ITIH2: variants seen among roughly 807,000 people sequenced by gnomAD.
ITIH2 encodes inter-alpha-trypsin inhibitor heavy chain H2.
A neutral mutation model predicts 104.4 loss-of-function variants in ITIH2; 103 were observed. That is an observed-to-expected ratio of 0.99 (90% CI 0.84 to 1.16). The LOEUF is 1.16. Among genes scored for constraint, ITIH2 ranks in the 50% most tolerant of loss-of-function variants. The probability of loss-of-function intolerance (pLI) is 0.00; values close to 1 mark genes in which losing one functional copy is unlikely to be tolerated. For synonymous variants in ITIH2, 436 were observed against 435.4 expected (o/e 1.00, Z -0.02); for missense variants, 1,108 against 1,162.4 (o/e 0.95, Z 0.68).
chr10:7,746,374 C>T (rs1330007437), intron 19 of ITIH2, among the ~76,000 whole-genome samples: 1 of 151,502 alleles, frequency 6.6e-6, no homozygotes, highest in African/African-American at 2.4e-5. Context: ...GATCCTGCCT[C>T]AAATTAAAAA....
chr10:7,736,032 C>T (rs1331754330), intron 15 of ITIH2, among the ~76,000 whole-genome samples: 1 of 152,098 alleles, frequency 6.6e-6, no homozygotes. Context: ...CTCACTATCA[C>T]TCATTTTTAA....
chr10:7,720,203 G>A (rs2130946602), intron 6 of ITIH2, among the ~76,000 whole-genome samples: 1 of 152,306 alleles, frequency 6.6e-6, no homozygotes, highest in African/African-American at 2.4e-5. Context: ...CATTACTTGG[G>A]TGGTAGTTGC....
intron 2 of ITIH2, 83 bp from the exon 3 acceptor site, chr10:7,707,118 T>C: frequency 1.1e-6 from 1 of 931,468 alleles, no homozygotes; most frequent in South Asian, 1.6e-5. Context: ...TAAAATTTCT[T>C]TTTTGACTGA....
intron 4 of ITIH2, among the ~76,000 whole-genome samples, chr10:7,709,484 G>A (rs1167155133): frequency 3.9e-5 from 6 of 151,918 alleles, no homozygotes; most frequent in African/African-American, 1.5e-4. Context: ...AAATATACTG[G>A]GTTGCCCTGG....
At position 7,725,245 on chromosome 10, in the gene ITIH2, A is replaced by G. The variant is rs567166438; in HGVS notation, c.984+1678A>G. On this transcript the variant is annotated intron_variant, in intron 9 of 20. Coordinates refer to ENST00000358415, the MANE Select transcript of ITIH2 (RefSeq NM_002216.3). ...GCAATTGCAGGGGTATGCAATTTTAAATAGGCTTGTCATCTAAATAGGTGG... is the reference window on the plus strand; with the variant it reads ...GCAATTGCAGGGGTATGCAATTTTAGATAGGCTTGTCATCTAAATAGGTGG... Among the ~76,000 whole-genome samples the G allele has an allele frequency of 2.3e-4, 35 of 152,344 alleles. No homozygotes were observed. The South Asian group carries it at 6.6e-3, about 29-fold the overall frequency.
intron 5 of ITIH2, among the ~76,000 whole-genome samples, chr10:7,716,046 A>G (rs1248806902): frequency 1.3e-5 from 2 of 151,642 alleles, no homozygotes; most frequent in African/African-American, 4.9e-5. Flanking sequence ...TATTTTTAGG[A>G]GAGACAGGGC....
intron 1 of ITIH2, 92 bp downstream of exon 1, chr10:7,703,610 G>A: frequency 1.3e-6 from 1 of 768,384 alleles, no homozygotes; most frequent in East Asian, 2.5e-5. Flanking sequence ...CTTATTCTGT[G>A]TGTAATGGAA....
At chr10:7,739,108 G>A (rs1185763096) in intron 16 of ITIH2, among the ~76,000 whole-genome samples, 1 of 152,028 alleles carries the variant, frequency 6.6e-6, no homozygotes, top group African/African-American at 2.4e-5. Context: ...TTTGCCCTCC[G>A]TTGTCAATTT....
chr10:7,728,848 T>C (rs993435384), intron 11 of ITIH2, among the ~76,000 whole-genome samples: 6 of 152,142 alleles, frequency 3.9e-5, no homozygotes, highest in African/African-American at 1.4e-4. Context: ...GCAAAAACAA[T>C]GGCAGTCAGA....
intron 6 of ITIH2, among the ~76,000 whole-genome samples, chr10:7,718,414 G>A (rs369879845): frequency 7.2e-5 from 11 of 152,052 alleles, no homozygotes; most frequent in African/African-American, 2.2e-4. Flanking sequence ...GCATCTTTAG[G>A]GGGGGAGGCC....
chr10:7,731,383 G>A (rs375003037), intron 12 of ITIH2, among the ~76,000 whole-genome samples: 2 of 152,078 alleles, frequency 1.3e-5, no homozygotes, highest in African/African-American at 4.8e-5. Context: ...TGTCCCAAAC[G>A]TCCTGTGTGA....
intron 9 of ITIH2, among the ~76,000 whole-genome samples, chr10:7,726,295 A>G (rs1412410644): frequency 6.6e-6 from 1 of 152,236 alleles, no homozygotes; most frequent in African/African-American, 2.4e-5. Context: ...GAAATGTACC[A>G]ATAGAATAGG....
At chr10:7,704,985 G>T in intron 1 of ITIH2, 123 bp from the exon 2 acceptor site, 1 of 607,764 alleles carries the variant, frequency 1.6e-6, no homozygotes, top group Non-Finnish European at 2.8e-6. Flanking sequence ...ATGAGTTAAT[G>T]GGTGTAGCAA....
At chr10:7,743,445 GAGTATGAAC>G (rs1247360743) in intron 17 of ITIH2, among the ~76,000 whole-genome samples, 186 bp downstream of exon 17, 5 of 152,110 alleles carry the variant, frequency 3.3e-5, no homozygotes, top group Admixed American at 1.3e-4. Flanking sequence ...TATATACTCT[GAGTATGAAC>G]TTGCAGATCT....
chr10:7,726,143 G>A (rs536878131), intron 9 of ITIH2, among the ~76,000 whole-genome samples: 2 of 152,304 alleles, frequency 1.3e-5, no homozygotes, highest in South Asian at 4.2e-4. Context: ...GGGCTTATGA[G>A]AGAATAGGAA....
At chr10:7,724,964 G>A (rs375509260) in intron 9 of ITIH2, among the ~76,000 whole-genome samples, 4 of 151,942 alleles carry the variant, frequency 2.6e-5, no homozygotes, top group African/African-American at 7.3e-5. Flanking sequence ...TATTTACGAA[G>A]CACCTACTAT....
rs140407190 is a variant in ITIH2, at chr10:7,734,448, A to G, written c.1788-474A>G. Among the ~76,000 whole-genome samples, 693 of 152,378 alleles carry G rather than the reference A, an allele frequency of 4.5e-3. 6 individuals are homozygous for G. Among genetic ancestry groups the G allele is most frequent in the African/African-American group, 0.016 (673 of 41,588 alleles). On this transcript the variant is annotated intron_variant, in intron 14 of 20. Transcript: ENST00000358415. ...CATGGCTCATGCCTGTAATCCCAGC[A>G]CTTTGGGAGGCCAAGGCGTGTGGAT...
chr10:7,728,262 T>C (rs1391942760), intron 11 of ITIH2, among the ~76,000 whole-genome samples: 1 of 152,226 alleles, frequency 6.6e-6, no homozygotes, highest in Non-Finnish European at 1.5e-5. Context: ...TTCTCCCGGT[T>C]GCACCTGGAG....
intron 6 of ITIH2, among the ~76,000 whole-genome samples, chr10:7,718,151 TG>T (rs1179812596): frequency 6.6e-6 from 1 of 152,194 alleles, no homozygotes; most frequent in African/African-American, 2.4e-5. Flanking sequence ...TTGCTTCTCC[TG>T]CTGTCTGGCA....
Sources: allele counts gnomAD v4.1 joint callset (sites outside exome capture counted in the v4.1 genomes callset), GRCh38; gene constraint gnomAD v4.1.1; transcripts MANE v1.5; gene names NCBI Gene and HGNC (gene_info 2026-07-23, HGNC 2026-07-21).